Variants in PRKCA observed in about 807,000 individuals in gnomAD.
The protein encoded by PRKCA is protein kinase C alpha type.
Under a neutral mutation model 87.0 loss-of-function variants are expected in PRKCA, and 27 were observed. That is an observed-to-expected ratio of 0.31 (90% CI 0.23 to 0.43). The LOEUF (loss-of-function observed/expected upper bound fraction) is 0.43, where lower values mean the gene tolerates loss of function less well. PRKCA is among the 20% of genes least tolerant of loss of function. The pLI is 1.00. For synonymous variants in PRKCA, 329 were observed against 311.1 expected, an observed-to-expected ratio of 1.06 and a Z score of -0.61; for missense variants, 518 against 852.3, an observed-to-expected ratio of 0.61 and a Z score of 4.88.
In PRKCA at chr17:66,801,048, A is replaced by G. The variant is rs756983585; in HGVS notation, c.1855-2825A>G. Among the ~76,000 whole-genome samples the G allele has an allele frequency of 4.5e-4, 68 of 152,300 alleles. 1 individual carries two copies. The highest frequency in any genetic ancestry group is 2.2e-3 in the Admixed American group (34 of 15,300). On this transcript the variant is annotated intron_variant, in intron 16 of 16. Transcript: ENST00000413366. Reference sequence around the variant, plus strand: ...ATCAGGTTCCAAAAGGATGTTCCCAATGCCGACTCTACTGAGCTGTCACAC... The same window carrying G: ...ATCAGGTTCCAAAAGGATGTTCCCAGTGCCGACTCTACTGAGCTGTCACAC...
At chr17:66,324,015 CT>C (rs933519655) in intron 2 of PRKCA, among the ~76,000 whole-genome samples, 10 of 149,702 alleles carry the variant, frequency 6.7e-5, no homozygotes, top group South Asian at 2.1e-4. Flanking sequence ...TACATACCAT[CT>C]TTTTTTTTTC....
intron 3 of PRKCA, among the ~76,000 whole-genome samples, chr17:66,525,029 A>G (rs1007155117): frequency 6.6e-6 from 1 of 152,180 alleles, no homozygotes; most frequent in African/African-American, 2.4e-5. Context: ...CTGTGAGTCA[A>G]GTGGCTTTGT....
intron 3 of PRKCA, among the ~76,000 whole-genome samples, chr17:66,540,403 G>A (rs990819705): frequency 4.6e-5 from 7 of 152,186 alleles, no homozygotes; most frequent in East Asian, 3.9e-4. Context: ...CTGGGGGGAC[G>A]GCGTGTGCTG....
chr17:66,755,722 G>A (rs1422933407), intron 13 of PRKCA, among the ~76,000 whole-genome samples: 1 of 152,152 alleles, frequency 6.6e-6, no homozygotes, highest in Non-Finnish European at 1.5e-5. Flanking sequence ...CATGTTAGGA[G>A]CTTAGACGTC....
At chr17:66,572,466 CAG>C (rs1437677854) in intron 3 of PRKCA, among the ~76,000 whole-genome samples, 3 of 151,840 alleles carry the variant, frequency 2.0e-5, no homozygotes, top group East Asian at 1.9e-4. Flanking sequence ...GGCTCCATCT[CAG>C]GGGGAGGAAA....
At chr17:66,722,314 A>C (rs906861506) in intron 8 of PRKCA, among the ~76,000 whole-genome samples, 3 of 152,200 alleles carry the variant, frequency 2.0e-5, no homozygotes, top group African/African-American at 7.2e-5. Context: ...CTATTAGAAA[A>C]TGAACGTCTC....
chr17:66,777,973 C>T (rs1975100122), intron 14 of PRKCA: 1 of 985,002 alleles, frequency 1.0e-6, no homozygotes, highest in South Asian at 4.7e-5. Context: ...GAGAAGTCCC[C>T]TTTGGGGGGT....
At position 66,419,675 on chromosome 17, in the gene PRKCA, C is replaced by A. The variant is rs72838223; in HGVS notation, c.206-76526C>A. Reference sequence around the variant, plus strand: ...TTTTTTTGGTTCAAAGTTTTACTAACCAGAATTAAACACTCCGCATGAGAA... The same window carrying A: ...TTTTTTTGGTTCAAAGTTTTACTAAACAGAATTAAACACTCCGCATGAGAA... On this transcript the variant is annotated intron_variant, in intron 2 of 16. Coordinates refer to ENST00000413366, the MANE Select transcript of PRKCA (RefSeq NM_002737.3). Among the ~76,000 whole-genome samples the A allele has an allele frequency of 2.0e-5, 3 of 152,172 alleles. No homozygotes were observed. In the South Asian group the frequency reaches 6.2e-4, roughly 32 times the overall value.
At chr17:66,321,730 G>A (rs1203485756) in intron 2 of PRKCA, among the ~76,000 whole-genome samples, 1 of 152,146 alleles carries the variant, frequency 6.6e-6, no homozygotes, top group Non-Finnish European at 1.5e-5. Flanking sequence ...TTTTAGTAGA[G>A]ACAGGGTTTT....
At chr17:66,408,287 G>T (rs545638532) in intron 2 of PRKCA, among the ~76,000 whole-genome samples, 1 of 152,278 alleles carries the variant, frequency 6.6e-6, no homozygotes, top group South Asian at 2.1e-4. Context: ...AGACCTTCTG[G>T]CTATGAGATT....
intron 8 of PRKCA, among the ~76,000 whole-genome samples, chr17:66,690,705 G>C (rs1972757759): frequency 6.6e-6 from 1 of 151,446 alleles, no homozygotes; most frequent in Non-Finnish European, 1.5e-5. Flanking sequence ...GCATGTGCCT[G>C]TACTCCCAGC....
intron 2 of PRKCA, among the ~76,000 whole-genome samples, chr17:66,308,545 C>T (rs1207424803): frequency 6.6e-6 from 1 of 152,092 alleles, no homozygotes; most frequent in East Asian, 1.9e-4. Flanking sequence ...AAGAATTTAA[C>T]CTCAGATCTC....
intron 3 of PRKCA, among the ~76,000 whole-genome samples, chr17:66,552,729 A>T (rs539879736): frequency 2.6e-5 from 4 of 152,174 alleles, no homozygotes; most frequent in Non-Finnish European, 5.9e-5. Flanking sequence ...CATTTTCACC[A>T]TAGTCTGTTC....
chr17:66,763,323 A>G (rs1280324622), intron 13 of PRKCA, among the ~76,000 whole-genome samples: 1 of 152,230 alleles, frequency 6.6e-6, no homozygotes, highest in Non-Finnish European at 1.5e-5. Flanking sequence ...AGGGGCAGAC[A>G]GTCTCAGTAG....
At chr17:66,333,664 G>C (rs1056192376) in intron 2 of PRKCA, among the ~76,000 whole-genome samples, 1 of 152,088 alleles carries the variant, frequency 6.6e-6, no homozygotes, top group African/African-American at 2.4e-5. Context: ...AGACTGAAGG[G>C]GATTAAGTCC....
chr17:66,777,171 G>T, intron 14 of PRKCA: 1 of 980,794 alleles, frequency 1.0e-6, no homozygotes, highest in African/African-American at 1.7e-5. Context: ...CTCCTGCCCT[G>T]CCCATGTCCG....
chr17:66,579,952 G>C (rs1969367731), intron 3 of PRKCA, among the ~76,000 whole-genome samples: 1 of 152,108 alleles, frequency 6.6e-6, no homozygotes, highest in Non-Finnish European at 1.5e-5. Context: ...TGGTGCAGGT[G>C]TCACTCTCTC....
At chr17:66,318,593 G>A (rs1448864998) in intron 2 of PRKCA, among the ~76,000 whole-genome samples, 17 of 152,102 alleles carry the variant, frequency 1.1e-4, no homozygotes, top group African/African-American at 4.1e-4. Context: ...GGTGGCTCAC[G>A]CCTATAATCC....
intron 1 of PRKCA, 22 bp from the exon 2 acceptor site, chr17:66,306,074 T>C: frequency 6.2e-7 from 1 of 1,611,108 alleles, no homozygotes; most frequent in Non-Finnish European, 8.5e-7. Flanking sequence ...TAAGATATTT[T>C]GTTCTTGTTT....
Sources: gnomAD v4.1 joint callset for allele counts (sites outside exome capture counted in the v4.1 genomes callset) on GRCh38, gnomAD v4.1.1 for gene constraint, MANE v1.5 for transcripts, NCBI Gene and HGNC (gene_info 2026-07-23, HGNC 2026-07-21) for gene names.